GDAP2: variants seen among roughly 807,000 people sequenced by gnomAD.
GDAP2 encodes the protein ganglioside-induced differentiation-associated protein 2.
A neutral mutation model predicts 67.0 loss-of-function variants in GDAP2; 51 were observed. That is an observed-to-expected ratio of 0.76 (90% CI 0.61 to 0.96). The LOEUF is 0.96. GDAP2 is among the 40% of genes least tolerant of loss of function. The pLI, the probability that GDAP2 is intolerant of heterozygous loss-of-function variation, is 0.00. For synonymous variants in GDAP2, 203 were observed against 207.3 expected, an observed-to-expected ratio of 0.98 and a Z score of 0.18; for missense variants, 547 against 588.3, an observed-to-expected ratio of 0.93 and a Z score of 0.73.
At chr1:117,927,293 G>A (rs116201652) in intron 1 of GDAP2, among the ~76,000 whole-genome samples, 53 of 151,936 alleles carry the variant, frequency 3.5e-4, no homozygotes, top group Non-Finnish European at 6.8e-4. Context: ...TGAATAATTG[G>A]ATTGGCTAGA....
intron 1 of GDAP2, among the ~76,000 whole-genome samples, chr1:117,923,784 T>C (rs1219758081): frequency 6.6e-6 from 1 of 152,210 alleles, no homozygotes; most frequent in Non-Finnish European, 1.5e-5. Context: ...TATCAGAACT[T>C]TTAATCTTTT....
At chr1:117,884,458 T>C (rs1261656002) in intron 10 of GDAP2, among the ~76,000 whole-genome samples, 1 of 152,158 alleles carries the variant, frequency 6.6e-6, no homozygotes, top group Non-Finnish European at 1.5e-5. Flanking sequence ...GTTTTCCAAT[T>C]CCTCTTCAGA....
chr1:117,872,949 C>A (rs574501306), intron 13 of GDAP2, among the ~76,000 whole-genome samples: 2 of 152,244 alleles, frequency 1.3e-5, no homozygotes, highest in African/African-American at 4.8e-5. Context: ...GAAACATGCC[C>A]TGAAGAGATG....
chr1:117,891,791 AT>A (rs1234297261), intron 8 of GDAP2, among the ~76,000 whole-genome samples: 2 of 151,932 alleles, frequency 1.3e-5, no homozygotes, highest in Non-Finnish European at 2.9e-5. Flanking sequence ...CTTTAAAAAA[AT>A]CTTCCCTTTC....
At chr1:117,897,096 G>T in intron 7 of GDAP2, 107 bp from the exon 8 acceptor site, 1 of 689,440 alleles carries the variant, frequency 1.5e-6, no homozygotes, top group Non-Finnish European at 2.3e-6. Context: ...AAAAACTGGG[G>T]TCAAGGTTAT....
Position 117,870,087 on chromosome 1 carries a change from A to G in GDAP2, c.*482T>C, listed in dbSNP as rs1648202219. ...TGGACTCAGGTAATTCTCTTTTAACACAGCCAAATTATCTTTATAAAATAT... is the reference window on the plus strand; with the variant it reads ...TGGACTCAGGTAATTCTCTTTTAACGCAGCCAAATTATCTTTATAAAATAT... On this transcript the variant is annotated 3_prime_UTR_variant, in exon 14 of 14. Coordinates refer to ENST00000369443, the MANE Select transcript of GDAP2 (RefSeq NM_017686.4). 1 of 152,852 alleles carries G rather than the reference A, an allele frequency of 6.5e-6. No homozygotes were observed. The highest frequency in any genetic ancestry group is 2.4e-5 in the African/African-American group (1 of 41,462). The allele number at this position is 152,852 out of a possible 1,614,324, so 9.5% of individuals were successfully genotyped here.
At chr1:117,904,347 A>C (rs1481535469) in intron 6 of GDAP2, among the ~76,000 whole-genome samples, 2 of 152,196 alleles carry the variant, frequency 1.3e-5, no homozygotes, top group African/African-American at 4.8e-5. Flanking sequence ...GAACTTAATC[A>C]CATACTATTT....
intron 5 of GDAP2, among the ~76,000 whole-genome samples, chr1:117,908,442 C>T (rs1345117531): frequency 2.0e-5 from 3 of 152,120 alleles, no homozygotes; most frequent in African/African-American, 4.8e-5. Flanking sequence ...AACAAACACT[C>T]ATAACTCTCC....
intron 13 of GDAP2, chr1:117,877,748 TAC>T (rs1648513263): frequency 1.7e-6 from 2 of 1,180,438 alleles, no homozygotes; most frequent in Non-Finnish European, 2.1e-6. Flanking sequence ...AAACTTACAA[TAC>T]AAACGAAAAT....
rs1648057777 is a variant in GDAP2, at chr1:117,866,279, C to A, written c.*4290G>T. The A allele has an allele frequency of 6.6e-6, 1 of 152,156 alleles. No individual in the cohort carries two copies. The highest frequency in any genetic ancestry group is 2.4e-5 in the African/African-American group (1 of 41,430). 9.4% of individuals were successfully genotyped at this position (152,156 alleles called of 1,614,324 possible). The stretch of plus-strand genomic sequence containing the variant: ...TCTCTCTCTCTGCCAAGTGAGAATA[C>A]AGCAAGAAGCCAGAAGAGGGCCCTC... On this transcript the variant is annotated 3_prime_UTR_variant, in exon 14 of 14. Coordinates refer to ENST00000369443, the MANE Select transcript of GDAP2 (RefSeq NM_017686.4).
chr1:117,873,905 G>A (rs774030825), intron 13 of GDAP2, among the ~76,000 whole-genome samples: 2 of 151,964 alleles, frequency 1.3e-5, no homozygotes, highest in Non-Finnish European at 2.9e-5. Flanking sequence ...ATATAGTCTC[G>A]TTTCTCTGCC....
chr1:117,899,270 C>G (rs1466664356), intron 6 of GDAP2, 54 bp from the exon 7 acceptor site: 1 of 1,226,554 alleles, frequency 8.2e-7, no homozygotes, highest in Non-Finnish European at 1.2e-6. Context: ...CAAAGAAGAC[C>G]TCAGCAGTAC....
At position 117,878,992 on chromosome 1, in the gene GDAP2, T is replaced by C. The variant is rs575007504; in HGVS notation, c.1303-840A>G. On this transcript the variant is annotated intron_variant, in intron 12 of 13. Transcript: ENST00000369443. Reference sequence around the variant, plus strand: ...TAGCAAACTTTTTTGAAAAGGACCATTATAGTAAATATTGCAGGCTTCTTA... The same window carrying C: ...TAGCAAACTTTTTTGAAAAGGACCACTATAGTAAATATTGCAGGCTTCTTA... Among the ~76,000 whole-genome samples, 26 of 152,248 alleles carry C rather than the reference T, an allele frequency of 1.7e-4. No homozygotes were observed. The South Asian group carries it at 4.8e-3, about 28-fold the overall frequency.
rs781108341 is a variant in GDAP2 at position 117,899,039 on chromosome 1, T to C, written c.796+18A>G. On this transcript the variant is annotated intron_variant, in intron 7 of 13. Coordinates refer to ENST00000369443, the MANE Select transcript of GDAP2 (RefSeq NM_017686.4). ...GCCCTAAGAGGGAGATTTAAAAAGT[T>C]AGAGCTCTAGAACTCACCTTCTGGA... 2 of 1,605,914 alleles carry C rather than the reference T, an allele frequency of 1.2e-6. No individual in the cohort carries two copies. Among genetic ancestry groups the C allele is most frequent in the Admixed American group, 1.7e-5 (1 of 59,866 alleles).
At chr1:117,876,328 C>T (rs1445638867) in intron 13 of GDAP2, among the ~76,000 whole-genome samples, 4 of 152,130 alleles carry the variant, frequency 2.6e-5, no homozygotes, top group Non-Finnish European at 5.9e-5. Context: ...ACTGGTTTCC[C>T]TTCCCCTTCT....
intron 13 of GDAP2, among the ~76,000 whole-genome samples, chr1:117,874,168 T>G (rs1052566132): frequency 6.6e-6 from 1 of 152,214 alleles, no homozygotes; most frequent in Non-Finnish European, 1.5e-5. Context: ...TTTGAATATC[T>G]GACCTTCCAA....
chr1:117,883,044 G>C (rs1007675487), intron 11 of GDAP2: 1 of 152,504 alleles, frequency 6.6e-6, no homozygotes, highest in South Asian at 2.1e-4. Flanking sequence ...CTCCAAGTCA[G>C]TAACCTGGGT....
At chr1:117,917,004 A>G (rs1650068980) in intron 3 of GDAP2, among the ~76,000 whole-genome samples, 1 of 151,782 alleles carries the variant, frequency 6.6e-6, no homozygotes, top group African/African-American at 2.4e-5. Flanking sequence ...ACTGCACTCT[A>G]GCCTGGGTGA....
intron 6 of GDAP2, among the ~76,000 whole-genome samples, chr1:117,904,075 T>C: frequency 6.6e-6 from 1 of 151,950 alleles, no homozygotes; most frequent in Admixed American, 6.6e-5. Context: ...CAACTTCTGC[T>C]TCCTGGGTTC....
Sources: allele counts gnomAD v4.1 joint callset (sites outside exome capture counted in the v4.1 genomes callset), GRCh38; gene constraint gnomAD v4.1.1; transcripts MANE v1.5; gene names NCBI Gene and HGNC (gene_info 2026-07-23, HGNC 2026-07-21).